The following LMO3 variants were observed in gnomAD, a reference collection of about 807,000 sequenced individuals.
The protein encoded by LMO3 is LIM domain only protein 3.
Under a neutral mutation model 15.8 loss-of-function variants are expected in LMO3, and 2 were observed. The observed-to-expected ratio is 0.13, with a 90% CI of 0.05 to 0.40. The LOEUF (loss-of-function observed/expected upper bound fraction) is 0.40. LMO3 is among the 10% of genes least tolerant of loss of function. The pLI, the probability that LMO3 is intolerant of heterozygous loss-of-function variation, is 0.99. For synonymous variants in LMO3, 62 were observed against 63.8 expected, an observed-to-expected ratio of 0.97 and a Z score of 0.13; for missense variants, 86 against 182.2, an observed-to-expected ratio of 0.47 and a Z score of 3.04.
chr12:16,564,840 C>T (rs540671712), intron 2 of LMO3, among the ~76,000 whole-genome samples: 1 of 152,252 alleles, frequency 6.6e-6, no homozygotes, highest in African/African-American at 2.4e-5. Flanking sequence ...GGCTGGAATG[C>T]AGTGGTGTGA....
At position 16,604,598 on chromosome 12, in the gene LMO3, A is replaced by G. The variant is rs1043380913; in HGVS notation, c.-9+1468T>C. 1.9e-6 allele frequency: 1 copy of G among 524,380 alleles called. No homozygotes were observed. Among genetic ancestry groups the G allele is most frequent in the Non-Finnish European group, 3.4e-6 (1 of 296,758 alleles). 32.5% of individuals were successfully genotyped at this position (524,380 alleles called of 1,614,324 possible). On this transcript the variant is annotated intron_variant, in intron 1 of 3. Coordinates refer to ENST00000537304, the MANE Select transcript of LMO3 (RefSeq NM_018640.5). This position sits in a 1 kb window ranked among gnomAD's most constrained non-coding sequence, Gnocchi z 5.3. ...AAATAAGAAACATACATACACTCTA[A>G]CAAAGAATCCCTTGCGGAGTTTATG... is the stretch of plus-strand genomic sequence containing the variant.
intron 1 of LMO3, among the ~76,000 whole-genome samples, chr12:16,602,872 C>G (rs1591835217): frequency 2.0e-5 from 3 of 152,080 alleles, no homozygotes; most frequent in Admixed American, 2.0e-4. Context: ...TTACTGAAAA[C>G]ACCTAGATAA....
upstream of LMO3, chr12:16,608,539 C>T (rs562128382): frequency 6.6e-6 from 1 of 152,150 alleles, no homozygotes; most frequent in Admixed American, 6.5e-5. This position sits in a 1 kb window ranked among gnomAD's most constrained non-coding sequence, Gnocchi z 4.1. Flanking sequence ...GATATCAACA[C>T]CAACCTGCAA....
upstream of LMO3, chr12:16,609,607 A>G (rs1944088353): frequency 6.6e-6 from 1 of 152,122 alleles, no homozygotes; most frequent in South Asian, 2.1e-4. Flanking sequence ...TTAAAGGAAA[A>G]AAAAAGGCAG....
In LMO3 at chr12:16,550,630, T is replaced by C. The variant is rs1002164129; in HGVS notation, c.*592A>G. ...AAGAACACTGATAGACTCTAACTCA[T>C]AGCGGCAATAAGTAGTGGATGTCAC... On this transcript the variant is annotated 3_prime_UTR_variant, in exon 4 of 4. Coordinates refer to ENST00000537304, the MANE Select transcript of LMO3 (RefSeq NM_018640.5). 5 of 152,364 alleles carry C rather than the reference T, an allele frequency of 3.3e-5. No homozygotes were observed. The highest frequency in any genetic ancestry group is 7.4e-5 in the Non-Finnish European group (5 of 67,902). The allele number at this position is 152,364 out of a possible 1,614,324, so 9.4% of individuals were successfully genotyped here. A position where few individuals can be genotyped will look rare whatever the true frequency, so the allele number is the denominator to read the frequency against.
At position 16,586,551 on chromosome 12, in the gene LMO3, C is replaced by G. The variant is rs994517385; in HGVS notation, c.206+14104G>C. Among the ~76,000 whole-genome samples, 2 of 152,154 alleles carry G rather than the reference C, an allele frequency of 1.3e-5. No individual in the cohort carries two copies. The highest frequency in any genetic ancestry group is 4.8e-5 in the African/African-American group (2 of 41,432). ...TATAATATTGTCAGATTCAGGCCAA[C>G]TGAATTCTGGAGGACATATGCAAAG... is the stretch of plus-strand genomic sequence containing the variant. On this transcript the variant is annotated intron_variant, in intron 2 of 3. Transcript: ENST00000537304. The surrounding 1 kb of genome is among the most constrained non-coding windows in gnomAD (Gnocchi z 4.3).
At chr12:16,563,049 C>G (rs989888990) in intron 2 of LMO3, among the ~76,000 whole-genome samples, 2 of 152,164 alleles carry the variant, frequency 1.3e-5, no homozygotes, top group Non-Finnish European at 2.9e-5. Context: ...TCTTCTTCCA[C>G]GCACTTTCCC....
chr12:16,575,206 C>A (rs1397024830), intron 2 of LMO3, among the ~76,000 whole-genome samples: 1 of 152,100 alleles, frequency 6.6e-6, no homozygotes, highest in Non-Finnish European at 1.5e-5. Flanking sequence ...GCTCAAAATT[C>A]ATAAATAAAC....
At chr12:16,600,599 A>G (rs1943795008) in intron 2 of LMO3, 56 bp downstream of exon 2, 7 of 1,462,108 alleles carry the variant, frequency 4.8e-6, no homozygotes, top group Non-Finnish European at 6.7e-6. Flanking sequence ...AAATACACTT[A>G]CAAAAGTACT....
At chr12:16,607,599 G>C (rs977546430), upstream of LMO3, 1 of 152,072 alleles carries the variant, frequency 6.6e-6, no homozygotes, top group African/African-American at 2.4e-5. Flanking sequence ...ACCCTCACCA[G>C]ATTTTACAAA....
rs1300712681 is a variant in LMO3, at chr12:16,599,564, G to A, written c.206+1091C>T. The A allele has an allele frequency of 6.6e-6, 1 of 151,798 alleles. No individual in the cohort carries two copies. The highest frequency in any genetic ancestry group is 1.9e-4 in the East Asian group (1 of 5,182). 9.4% of individuals were successfully genotyped at this position (151,798 alleles called of 1,614,324 possible). ...ATTGATTGATAAATTTTGTCATAAG[G>A]GAAAAAATTCCAAATAAATCGCTTA... On this transcript the variant is annotated intron_variant, in intron 2 of 3. Transcript: ENST00000537304. This position sits in a 1 kb window ranked among gnomAD's most constrained non-coding sequence, Gnocchi z 4.1.
At chr12:16,577,605 G>A (rs1943034555) in intron 2 of LMO3, among the ~76,000 whole-genome samples, 1 of 152,078 alleles carries the variant, frequency 6.6e-6, no homozygotes, top group Non-Finnish European at 1.5e-5. Context: ...AACGTTTGTG[G>A]TATAGTTTTG....
chr12:16,609,733 C>T (rs1291671972), upstream of LMO3: 1 of 151,806 alleles, frequency 6.6e-6, no homozygotes, highest in African/African-American at 2.4e-5. Flanking sequence ...ATACTACTTA[C>T]CTTTGCCCAA....
Position 16,549,865 on chromosome 12 carries a change from T to C in LMO3, c.*1357A>G, listed in dbSNP as rs1227428826. Reference sequence around the variant, plus strand: ...TCTTTCTAGAGCTTTCTTCTTTGTATGCTATCACGTAAGGTAGTACTATTT... The same window carrying C: ...TCTTTCTAGAGCTTTCTTCTTTGTACGCTATCACGTAAGGTAGTACTATTT... On this transcript the variant is annotated 3_prime_UTR_variant, in exon 4 of 4. Coordinates refer to ENST00000537304, the MANE Select transcript of LMO3 (RefSeq NM_018640.5). 6.6e-6 allele frequency: 1 copy of C among 152,124 alleles called. No individual in the cohort carries two copies. Among genetic ancestry groups the C allele is most frequent in the Non-Finnish European group, 1.5e-5 (1 of 67,988 alleles). The allele number at this position is 152,124 out of a possible 1,614,324, so 9.4% of individuals were successfully genotyped here. A position where few individuals can be genotyped will look rare whatever the true frequency, so the allele number is the denominator to read the frequency against.
At chr12:16,569,310 C>A (rs914730708) in intron 2 of LMO3, among the ~76,000 whole-genome samples, 4 of 152,016 alleles carry the variant, frequency 2.6e-5, no homozygotes, top group African/African-American at 7.2e-5. Context: ...TTTTTCCCTG[C>A]AAAAATGGGG....
chr12:16,571,723 C>T (rs1466672001), intron 2 of LMO3, among the ~76,000 whole-genome samples: 1 of 151,928 alleles, frequency 6.6e-6, no homozygotes, highest in African/African-American at 2.4e-5. Context: ...ATTAAATACC[C>T]TTTCAAGATA....
intron 2 of LMO3, chr12:16,600,323 AAG>A: frequency 5.7e-6 from 1 of 175,876 alleles, no homozygotes; most frequent in Admixed American, 6.0e-5. Context: ...AAAGAAAAAA[AAG>A]AAAAAATAAG....
chr12:16,565,982 CCATATATA>C (rs1565488134), intron 2 of LMO3, among the ~76,000 whole-genome samples: 2 of 44,316 alleles, frequency 4.5e-5, no homozygotes, highest in East Asian at 9.7e-4. Flanking sequence ...AGAAAATGTG[CCATATATA>C]TATATATATA....
At chr12:16,567,197 A>AAAACAAAC (rs145977478) in intron 2 of LMO3, among the ~76,000 whole-genome samples, 4 of 151,330 alleles carry the variant, frequency 2.6e-5, no homozygotes, top group African/African-American at 7.3e-5. Flanking sequence ...ACTCCACCTC[A>AAAACAAAC]AAACAAACAA....
Sources: gnomAD v4.1 joint callset for allele counts (sites outside exome capture counted in the v4.1 genomes callset) on GRCh38, gnomAD v4.1.1 for gene constraint, Gnocchi (gnomAD v3.1) non-coding constraint, MANE v1.5 for transcripts, NCBI Gene and HGNC (gene_info 2026-07-23, HGNC 2026-07-21) for gene names.